Variants in DMD observed in about 807,000 individuals in gnomAD.
DMD encodes dystrophin.
In DMD, 63 loss-of-function variants were observed where a neutral mutation model predicts 330.1. The ratio of observed to expected loss-of-function variants is 0.19; its 90% CI spans 0.16 to 0.24. The LOEUF is 0.24. Among genes scored for constraint, DMD ranks in the 10% least tolerant of loss-of-function variants. The pLI is 1.00. For synonymous variants in DMD, 1,223 were observed against 959.8 expected (o/e 1.27, Z -5.07); for missense variants, 3,344 against 2,684.1 (o/e 1.25, Z -5.43).
At chrX:32,554,901 GAA>G in intron 16 of DMD, among the ~76,000 whole-genome samples, 1 of 28,720 alleles carries the variant, frequency 3.5e-5, no homozygotes. Context: ...AAGAAAGAAA[GAA>G]AGAAAGAAAG....
intron 1 of DMD, among the ~76,000 whole-genome samples, chrX:33,276,558 G>A (rs1444701014): frequency 9.0e-6 from 1 of 111,459 alleles, no homozygotes; most frequent in Admixed American, 9.6e-5. Flanking sequence ...AGTTAGACTA[G>A]TATTTTTCAA....
intron 13 of DMD, among the ~76,000 whole-genome samples, chrX:32,595,552 C>A (rs2055422009): frequency 9.0e-6 from 1 of 111,392 alleles, no homozygotes; most frequent in African/African-American, 3.3e-5. Flanking sequence ...TAGATTTTAC[C>A]CATCCGCAGT....
Position 31,892,160 on chromosome X carries a change from C to T in DMD, c.6913-16787G>A, listed in dbSNP as rs181878135. On this transcript the variant is annotated intron_variant, in intron 47 of 78. Coordinates refer to ENST00000357033, the MANE Select transcript of DMD (RefSeq NM_004006.3). ...TAGACATTTAGCAATAACAAATTAT[C>T]TACATCATTATTTGATATCTTTTAA... 2.6e-3 allele frequency among the ~76,000 whole-genome samples: 290 copies of T among 112,198 alleles called. 1 individual carries two copies. The highest frequency in any genetic ancestry group is 0.018 in the Middle Eastern group (4 of 218).
intron 61 of DMD, 111 bp from the exon 62 acceptor site, chrX:31,323,769 G>A: frequency 1.4e-6 from 1 of 707,372 alleles, no homozygotes; most frequent in Non-Finnish European, 2.2e-6. Flanking sequence ...TGGTCTGTTT[G>A]CTCAGCTGCC....
At chrX:32,425,180 T>C (rs1306299676) in intron 29 of DMD, among the ~76,000 whole-genome samples, 3 of 111,432 alleles carry the variant, frequency 2.7e-5, no homozygotes, top group African/African-American at 9.8e-5. Flanking sequence ...CAAATACTTT[T>C]CACTCTCATT....
At chrX:33,159,288 A>G (rs1392417010) in intron 1 of DMD, 5 of 109,216 alleles carry the variant, frequency 4.6e-5, no homozygotes, top group African/African-American at 1.7e-4. Context: ...GCAGACCTCA[A>G]TTTTTTTTTT....
At chrX:32,120,875 C>A (rs777255574) in intron 44 of DMD, among the ~76,000 whole-genome samples, 9 of 112,106 alleles carry the variant, frequency 8.0e-5, no homozygotes, top group Non-Finnish European at 1.7e-4. Context: ...ATAATAGCAA[C>A]CAAACCCTTG....
chrX:33,301,281 C>T (rs1351160416), intron 1 of DMD, among the ~76,000 whole-genome samples: 1 of 111,191 alleles, frequency 9.0e-6, no homozygotes, highest in Non-Finnish European at 1.9e-5. Context: ...CTCAATTTTG[C>T]AAGCACCTCT....
chrX:32,643,676 C>T lies in DMD; in HGVS notation c.1331+456G>A, dbSNP rs141557526. 7.5e-3 allele frequency among the ~76,000 whole-genome samples: 839 copies of T among 111,279 alleles called. 6 individuals carry two copies. Among genetic ancestry groups the T allele is most frequent in the Non-Finnish European group, 0.012 (642 of 52,946 alleles). ...GTATTTTAATAAGAATTTCCCAAAACGTTTGAATAATGTTTTTCAAGAGGA... is the reference window on the plus strand; with the variant it reads ...GTATTTTAATAAGAATTTCCCAAAATGTTTGAATAATGTTTTTCAAGAGGA... On this transcript the variant is annotated intron_variant, in intron 11 of 78. Transcript: ENST00000357033.
intron 64 of DMD, among the ~76,000 whole-genome samples, chrX:31,221,863 C>T (rs932674992): frequency 9.0e-6 from 1 of 110,815 alleles, no homozygotes; most frequent in Admixed American, 9.5e-5. Flanking sequence ...CGAGACCAGC[C>T]TGACCAACAT....
At chrX:33,035,050 A>G (rs1224949069) in intron 1 of DMD, among the ~76,000 whole-genome samples, 2 of 111,894 alleles carry the variant, frequency 1.8e-5, no homozygotes, top group Non-Finnish European at 3.8e-5. Context: ...CACAGTCATC[A>G]GCAGATTCTA....
chrX:31,404,274 A>G (rs2061321745), intron 60 of DMD, among the ~76,000 whole-genome samples: 1 of 111,645 alleles, frequency 9.0e-6, no homozygotes, highest in Non-Finnish European at 1.9e-5. Context: ...TGAATTTGGA[A>G]GAAAAACCTT....
At chrX:32,546,079 G>A (rs922805288) in intron 16 of DMD, among the ~76,000 whole-genome samples, 4 of 105,262 alleles carry the variant, frequency 3.8e-5, no homozygotes, top group South Asian at 8.9e-4. Context: ...GCAGCGGGCC[G>A]GGGGCAACAG....
rs774151183 is a variant in DMD, at chrX:31,499,489, C to CTTTTTT, written c.8391-2551_8391-2546dup. Among the ~76,000 whole-genome samples, 20 of 83,660 alleles carry CTTTTTT rather than the reference C, an allele frequency of 2.4e-4. 3 individuals are homozygous for CTTTTTT. The highest frequency in any genetic ancestry group is 7.1e-3 in the Middle Eastern group (1 of 140). 72.6% of individuals were successfully genotyped at this position (83,660 alleles called of 115,157 possible). ...TAACTGAGACCTAGGGAATTCAGTT[C>CTTTTTT]TTTTTTTTTTTTTTTTTTGGTGAGA... On this transcript the variant is annotated intron_variant, in intron 56 of 78. Coordinates refer to ENST00000357033, the MANE Select transcript of DMD (RefSeq NM_004006.3).
chrX:32,940,750 A>G (rs781211498), intron 2 of DMD, among the ~76,000 whole-genome samples: 18 of 111,914 alleles, frequency 1.6e-4, no homozygotes, highest in Middle Eastern at 4.6e-3. Context: ...TTAGGAAAGC[A>G]TTTATGACTA....
At chrX:32,128,951 T>G (rs1197415096) in intron 44 of DMD, among the ~76,000 whole-genome samples, 1 of 111,122 alleles carries the variant, frequency 9.0e-6, no homozygotes, top group Non-Finnish European at 1.9e-5. Context: ...CAACAGAAAC[T>G]CAATGAAATA....
rs761545508 is a variant in DMD at position 31,779,597 on chromosome X, T to G, written c.7310-5405A>C. Among the ~76,000 whole-genome samples the G allele has an allele frequency of 9.8e-5, 11 of 112,066 alleles. No homozygotes were observed. In the South Asian group the frequency reaches 4.1e-3, roughly 42 times the overall value. On this transcript the variant is annotated intron_variant, in intron 50 of 78. Transcript: ENST00000357033. ...TTTGGGTGGGTTTTGTTTGTTTGTT[T>G]TTTGCTCAATCACCTTATGCCAGAA...
At chrX:31,146,445 T>C in intron 75 of DMD, 31 bp from the exon 76 acceptor site, 1 of 1,193,549 alleles carries the variant, frequency 8.4e-7, no homozygotes, top group Non-Finnish European at 1.1e-6. Flanking sequence ...CAGAATTACT[T>C]TTCATAATAA....
At chrX:31,197,646 G>A (rs1046344750) in intron 67 of DMD, among the ~76,000 whole-genome samples, 5 of 111,615 alleles carry the variant, frequency 4.5e-5, no homozygotes, top group Middle Eastern at 4.7e-3. Flanking sequence ...AAAATAAACA[G>A]ATTTTGACAC....
Sources: gnomAD v4.1 joint callset for allele counts (sites outside exome capture counted in the v4.1 genomes callset) on GRCh38, gnomAD v4.1.1 for gene constraint, MANE v1.5 for transcripts, NCBI Gene and HGNC (gene_info 2026-07-23, HGNC 2026-07-21) for gene names.